BLVRB: variants seen among roughly 807,000 people sequenced by gnomAD.
BLVRB encodes the protein flavin reductase (NADPH).
BLVRB carries 25 observed loss-of-function variants against 21.1 expected under a neutral mutation model. The ratio of observed to expected loss-of-function variants is 1.19; its 90% confidence interval spans 0.86 to 1.66. BLVRB has a LOEUF of 1.66. Ranked by LOEUF, BLVRB falls within the 40% of genes most tolerant of loss-of-function variation. BLVRB has a pLI of 0.00. For missense variants in BLVRB, 274 were observed against 282.7 expected (o/e 0.97, Z 0.22); for synonymous variants, 128 against 122.2 (o/e 1.05, Z -0.31).
At chr19:40,457,566 A>T (rs968045229) in intron 3 of BLVRB, 4 of 151,966 alleles carry the variant, frequency 2.6e-5, no homozygotes, top group Non-Finnish European at 4.4e-5. Context: ...CACCTCCGGG[A>T]GGCGGAGGTT....
Position 40,448,608 on chromosome 19 carries a change from A to ATAACAACAAC in BLVRB, c.464-563_464-562insGTTGTTGTTA, listed in dbSNP as rs1249673226. On this transcript the variant is annotated intron_variant, in intron 4 of 4. Transcript: ENST00000263368. ...CTTGTCTCTAACAACAACAACAACA[A>ATAACAACAAC]ATATATATATATATATATATATATA... Among the ~76,000 whole-genome samples the ATAACAACAAC allele has an allele frequency of 7.5e-3, 953 of 126,246 alleles. 2 individuals are homozygous for ATAACAACAAC. The highest frequency in any genetic ancestry group is 0.019 in the East Asian group (76 of 3,962). 82.8% of individuals were successfully genotyped at this position (126,246 alleles called of 152,430 possible). A position where few individuals can be genotyped will look rare whatever the true frequency, so the allele number is the denominator to read the frequency against.
chr19:40,454,554 CTT>C (rs766395951), intron 3 of BLVRB, among the ~76,000 whole-genome samples: 1 of 147,196 alleles, frequency 6.8e-6, no homozygotes. Context: ...TTTCTTTTTT[CTT>C]TTTTTTTTTG....
rs371470529 is a variant in BLVRB at position 40,458,276 on chromosome 19, T to C, written c.245-32A>G. 1.9e-5 allele frequency: 19 copies of C among 989,104 alleles called. No individual in the cohort carries two copies. The African/African-American group carries it at 2.2e-4, about 11-fold the overall frequency. The allele number at this position is 989,104 out of a possible 1,614,324, so 61.3% of individuals were successfully genotyped here. A position where few individuals can be genotyped will look rare whatever the true frequency, so the allele number is the denominator to read the frequency against. On this transcript the variant is annotated intron_variant, in intron 2 of 4. Coordinates refer to ENST00000263368, the MANE Select transcript of BLVRB (RefSeq NM_000713.3). ...GGGGACAGAGAGTGGCTGTCACTGG[T>C]GGGCGGCGGCGGCGGCAGGGGTGGC...
At chr19:40,459,296 C>T (rs181520604) in intron 1 of BLVRB, among the ~76,000 whole-genome samples, 108 of 117,358 alleles carry the variant, frequency 9.2e-4, no homozygotes, top group Non-Finnish European at 1.4e-3. Flanking sequence ...CCAGTGCACT[C>T]CAGCCTGGAT....
intron 3 of BLVRB, among the ~76,000 whole-genome samples, chr19:40,456,861 C>CA (rs2079764338): frequency 6.6e-6 from 1 of 151,976 alleles, no homozygotes; most frequent in Non-Finnish European, 1.5e-5. Context: ...GTGGCGGTTG[C>CA]AGTGAGCTGA....
intron 1 of BLVRB, among the ~76,000 whole-genome samples, chr19:40,464,072 T>A (rs776255128): frequency 1.3e-5 from 2 of 151,328 alleles, no homozygotes; most frequent in Non-Finnish European, 2.9e-5. Flanking sequence ...CAGCCTCTTT[T>A]TCTTTCTTTT....
chr19:40,449,498 A>T (rs1413615929), intron 4 of BLVRB, among the ~76,000 whole-genome samples: 1 of 152,090 alleles, frequency 6.6e-6, no homozygotes, highest in Non-Finnish European at 1.5e-5. Flanking sequence ...CACCCGCCTC[A>T]GCCTCCCAAA....
At chr19:40,456,523 CAAATT>C (rs1303165185) in intron 3 of BLVRB, among the ~76,000 whole-genome samples, 1 of 151,628 alleles carries the variant, frequency 6.6e-6, no homozygotes, top group Non-Finnish European at 1.5e-5. Flanking sequence ...AAAAAGAAAG[CAAATT>C]AAATCAATTT....
intron 1 of BLVRB, among the ~76,000 whole-genome samples, chr19:40,462,114 A>G (rs745640704): frequency 7.2e-5 from 11 of 152,134 alleles, no homozygotes; most frequent in South Asian, 4.1e-4. Context: ...ACCTCATGCA[A>G]CCTCTTCCGT....
chr19:40,452,230 T>G (rs113553926), intron 3 of BLVRB, among the ~76,000 whole-genome samples: 305 of 152,238 alleles, frequency 2.0e-3, no homozygotes, highest in African/African-American at 7.0e-3. Flanking sequence ...CCTACCACTC[T>G]CTCTTACACG....
intron 1 of BLVRB, 32 bp downstream of exon 1, chr19:40,465,578 C>T (rs1251354012): frequency 6.3e-7 from 1 of 1,595,618 alleles, no homozygotes; most frequent in South Asian, 1.1e-5. Flanking sequence ...CCCGTCTGTC[C>T]CGTGACATGC....
At chr19:40,453,755 G>A (rs1317858608) in intron 3 of BLVRB, among the ~76,000 whole-genome samples, 2 of 152,172 alleles carry the variant, frequency 1.3e-5, no homozygotes, top group East Asian at 3.8e-4. Flanking sequence ...ACTTTGGGAG[G>A]CTGAGGTAGG....
intron 4 of BLVRB, among the ~76,000 whole-genome samples, chr19:40,449,053 G>A (rs1417145051): frequency 2.0e-5 from 3 of 151,744 alleles, no homozygotes; most frequent in African/African-American, 7.3e-5. Flanking sequence ...GCTCCAGCCT[G>A]GGCTACAGAG....
chr19:40,454,188 G>T (rs1218180287), intron 3 of BLVRB, among the ~76,000 whole-genome samples: 1 of 151,904 alleles, frequency 6.6e-6, no homozygotes, highest in Non-Finnish European at 1.5e-5. Context: ...AGCGAGCTAT[G>T]ATGACATCAT....
chr19:40,448,611 ATAT>A (rs2079725119), intron 4 of BLVRB, among the ~76,000 whole-genome samples: 7 of 22,036 alleles, frequency 3.2e-4, no homozygotes, highest in Non-Finnish European at 2.4e-4. Flanking sequence ...AACAACAAAT[ATAT>A]ATATATATAT....
chr19:40,462,525 A>T (rs1405195046), intron 1 of BLVRB, among the ~76,000 whole-genome samples: 1 of 149,614 alleles, frequency 6.7e-6, no homozygotes, highest in Non-Finnish European at 1.5e-5. Flanking sequence ...TGATCCGCCC[A>T]CCTTGGCCTC....
intron 4 of BLVRB, chr19:40,450,433 T>G (rs1261113575): frequency 6.8e-6 from 1 of 147,902 alleles, no homozygotes; most frequent in African/African-American, 2.5e-5. Flanking sequence ...TTTCACCATG[T>G]TAGCCAGGAT....
At chr19:40,453,959 T>C (rs977975087) in intron 3 of BLVRB, among the ~76,000 whole-genome samples, 7 of 152,190 alleles carry the variant, frequency 4.6e-5, no homozygotes, top group African/African-American at 1.2e-4. Context: ...CACTCCAGCC[T>C]GGACAACAGA....
At chr19:40,460,668 G>A (rs62106989) in intron 1 of BLVRB, among the ~76,000 whole-genome samples, 1 of 151,592 alleles carries the variant, frequency 6.6e-6, no homozygotes, top group East Asian at 1.9e-4. Context: ...CTACTACCTG[G>A]CACAGAAATA....
Sources: gnomAD v4.1 joint callset for allele counts (sites outside exome capture counted in the v4.1 genomes callset) on GRCh38, gnomAD v4.1.1 for gene constraint, MANE v1.5 for transcripts, NCBI Gene and HGNC (gene_info 2026-07-23, HGNC 2026-07-21) for gene names.